OLFM1: variants seen among roughly 807,000 people sequenced by gnomAD.
OLFM1 encodes the protein noelin.
In OLFM1, 9 loss-of-function variants were observed where a neutral mutation model predicts 49.7. The ratio of observed to expected loss-of-function variants is 0.18; its 90% CI spans 0.11 to 0.32. The LOEUF (loss-of-function observed/expected upper bound fraction) is 0.32. OLFM1 is among the 10% of genes least tolerant of loss of function. The pLI, the probability that OLFM1 is intolerant of heterozygous loss-of-function variation, is 1.00. For synonymous variants in OLFM1, 240 were observed against 271.8 expected, an observed-to-expected ratio of 0.88 and a Z score of 1.15; for missense variants, 369 against 661.8, an observed-to-expected ratio of 0.56 and a Z score of 4.85.
rs145869045 is a variant in OLFM1 at position 135,095,398 on chromosome 9, T to C, written c.301-466T>C. On this transcript the variant is annotated intron_variant, in intron 2 of 5. Transcript: ENST00000371793. ...AATGAGATTTAGGAAGAAGGAGAAT[T>C]TATACCTGGGGGCGGGGCAGCCTAA... 5.3e-3 allele frequency among the ~76,000 whole-genome samples: 799 copies of C among 152,004 alleles called. 5 individuals are homozygous for C. Among genetic ancestry groups the C allele is most frequent in the African/African-American group, 0.015 (640 of 41,422 alleles).
intron 4 of OLFM1, among the ~76,000 whole-genome samples, chr9:135,100,196 C>G (rs11103671): frequency 0.086 from 13,129 of 152,268 alleles, 668 homozygotes; most frequent in South Asian, 0.16. Context: ...ATTTTCCAAT[C>G]AAGGAATCAA....
intron 4 of OLFM1, among the ~76,000 whole-genome samples, chr9:135,100,693 C>G (rs957159438): frequency 6.6e-6 from 1 of 152,268 alleles, no homozygotes; most frequent in Middle Eastern, 3.4e-3. Flanking sequence ...GTGCGACTCC[C>G]CCAAGGCATT....
Position 135,098,535 on chromosome 9 carries a change from C to G in OLFM1, c.676+30C>G. The G allele has an allele frequency of 6.4e-7, 1 of 1,573,678 alleles. No individual in the cohort carries two copies. The highest frequency in any genetic ancestry group is 8.7e-7 in the Non-Finnish European group (1 of 1,144,800). Reference sequence around the variant, plus strand: ...GCCCAGTACCCTGCGGGACGTGGCGCTGCACTGCCCACCTCCGGCACACGC... The same window carrying G: ...GCCCAGTACCCTGCGGGACGTGGCGGTGCACTGCCCACCTCCGGCACACGC... On this transcript the variant is annotated intron_variant, in intron 4 of 5. Coordinates refer to ENST00000371793, the MANE Select transcript of OLFM1 (RefSeq NM_001282611.2). The surrounding 1 kb of genome is among the most constrained non-coding windows in gnomAD (Gnocchi z 5.6).
chr9:135,097,865 C>A (rs1830821305), intron 3 of OLFM1: 1 of 1,595,644 alleles, frequency 6.3e-7, no homozygotes. Context: ...AGCCAGAGAG[C>A]TTTTTGCACC....
At chr9:135,077,024 G>C in intron 1 of OLFM1, 3 of 1,550,266 alleles carry the variant, frequency 1.9e-6, no homozygotes, top group Non-Finnish European at 2.6e-6. Context: ...GTGCTGCCCA[G>C]ACGATCAGCC....
upstream of OLFM1, among the ~76,000 whole-genome samples, chr9:135,086,368 C>T (rs1307905766): frequency 1.3e-5 from 2 of 152,250 alleles, no homozygotes; most frequent in Non-Finnish European, 2.9e-5. Context: ...AGCACTCAGG[C>T]CAGGATCATC....
At chr9:135,079,193 T>C (rs560723325) in intron 1 of OLFM1, among the ~76,000 whole-genome samples, 1 of 152,290 alleles carries the variant, frequency 6.6e-6, no homozygotes, top group South Asian at 2.1e-4. Flanking sequence ...AAAAGAAGTG[T>C]CTGCACCGAG....
chr9:135,084,616 C>T (rs1293231155), upstream of OLFM1, among the ~76,000 whole-genome samples: 2 of 150,996 alleles, frequency 1.3e-5, no homozygotes, highest in Admixed American at 1.3e-4. This position sits in a 1 kb window ranked among gnomAD's most constrained non-coding sequence, Gnocchi z 4.6. Flanking sequence ...CTTCTTCTCC[C>T]CTTCTCCCTC....
chr9:135,092,766 A>C (rs1299465485), intron 2 of OLFM1, among the ~76,000 whole-genome samples: 1 of 152,188 alleles, frequency 6.6e-6, no homozygotes, highest in Non-Finnish European at 1.5e-5. Flanking sequence ...ACTGCTTAAA[A>C]ATTTAAAGCC....
intron 1 of OLFM1, chr9:135,076,448 G>A (rs1830467542): frequency 6.9e-7 from 1 of 1,440,276 alleles, no homozygotes; most frequent in Non-Finnish European, 9.1e-7. Context: ...TTTCAAACGG[G>A]CTTGTCGTAC....
At chr9:135,087,418 G>A (rs1009767152), upstream of OLFM1, 18 of 1,545,610 alleles carry the variant, frequency 1.2e-5, no homozygotes, top group African/African-American at 1.5e-4. Context: ...CGTGCCCCCA[G>A]CTGGAGTCCC....
At chr9:135,104,210 T>C (rs1258526522) in intron 4 of OLFM1, among the ~76,000 whole-genome samples, 2 of 152,126 alleles carry the variant, frequency 1.3e-5, no homozygotes, top group Admixed American at 6.5e-5. Flanking sequence ...AGGTGTCAGT[T>C]TGGGGCAAGC....
chr9:135,104,479 G>C (rs967550177), intron 4 of OLFM1, among the ~76,000 whole-genome samples: 1 of 152,236 alleles, frequency 6.6e-6, no homozygotes, highest in Non-Finnish European at 1.5e-5. Flanking sequence ...CAGCGTCACG[G>C]AAGGCCCGGC....
upstream of OLFM1, among the ~76,000 whole-genome samples, chr9:135,083,872 T>A (rs1830562821): frequency 6.6e-6 from 1 of 152,114 alleles, no homozygotes; most frequent in South Asian, 2.1e-4. Flanking sequence ...CCTTAGCCGT[T>A]CTCCCTCCCG....
intron 5 of OLFM1, 74 bp downstream of exon 5, chr9:135,106,929 G>T: frequency 8.1e-7 from 1 of 1,230,988 alleles, no homozygotes; most frequent in South Asian, 1.4e-5. Context: ...CCCCAGACAT[G>T]GGTACAAGCC....
exon 1 of OLFM1, chr9:135,075,559 A>G: frequency 2.6e-6 from 1 of 379,164 alleles, no homozygotes; most frequent in Non-Finnish European, 4.5e-6. Context: ...TTCGCGCAGC[A>G]GAGCCCGCGC....
At chr9:135,085,796 C>T (rs78439845), upstream of OLFM1, among the ~76,000 whole-genome samples, 26 of 152,370 alleles carry the variant, frequency 1.7e-4, no homozygotes, top group African/African-American at 5.8e-4. Flanking sequence ...CTTACTCAAG[C>T]CTTATCTGAC....
intron 1 of OLFM1, among the ~76,000 whole-genome samples, chr9:135,082,562 C>G (rs1359400647): frequency 6.6e-6 from 1 of 152,194 alleles, no homozygotes; most frequent in Admixed American, 6.5e-5. Flanking sequence ...GGGGAGCCAG[C>G]CATTTACCAA....
rs1830622155 is a variant in OLFM1 at position 135,087,911 on chromosome 9, G to T, written c.-79G>T. ...CAGCCAGGCGCCCCTGCCCGCCGCG[G>T]TGCCCGCCGCCTGAAGGCCGCCTGG... On this transcript the variant is annotated 5_prime_UTR_variant, in exon 1 of 6. Coordinates refer to ENST00000371793, the MANE Select transcript of OLFM1 (RefSeq NM_001282611.2). 1.6e-6 allele frequency: 2 copies of T among 1,219,162 alleles called. No homozygotes were observed. Among genetic ancestry groups the T allele is most frequent in the South Asian group, 2.6e-5 (1 of 38,686 alleles). 75.5% of individuals were successfully genotyped at this position (1,219,162 alleles called of 1,614,324 possible).
Sources: gnomAD v4.1 joint callset for allele counts (sites outside exome capture counted in the v4.1 genomes callset) on GRCh38, gnomAD v4.1.1 for gene constraint, Gnocchi (gnomAD v3.1) non-coding constraint, MANE v1.5 for transcripts, NCBI Gene and HGNC (gene_info 2026-07-23, HGNC 2026-07-21) for gene names.